The following TNFRSF21 variants were observed in gnomAD, a reference collection of about 807,000 sequenced individuals.
The protein encoded by TNFRSF21 is tumor necrosis factor receptor superfamily member 21.
In TNFRSF21, 19 loss-of-function variants were observed where a neutral mutation model predicts 45.6. The ratio of observed to expected loss-of-function variants is 0.42; its 90% CI spans 0.29 to 0.61. The LOEUF (loss-of-function observed/expected upper bound fraction) is 0.61, where lower values mean the gene tolerates loss of function less well. Ranked by LOEUF, TNFRSF21 falls within the 20% of genes least tolerant of loss-of-function variation. The probability of loss-of-function intolerance (pLI) is 0.23; values close to 1 mark genes in which losing one functional copy is unlikely to be tolerated. For missense variants in TNFRSF21, 737 were observed against 851.5 expected (o/e 0.87, Z 1.67); for synonymous variants, 314 against 335.5 (o/e 0.94, Z 0.70).
At chr6:47,242,990 C>T (rs1764769994) in intron 4 of TNFRSF21, among the ~76,000 whole-genome samples, 1 of 152,180 alleles carries the variant, frequency 6.6e-6, no homozygotes, top group East Asian at 1.9e-4. Context: ...CCATAAGACA[C>T]TGTGGAGGAT....
chr6:47,235,636 C>T (rs561806883), intron 4 of TNFRSF21, among the ~76,000 whole-genome samples: 1 of 152,216 alleles, frequency 6.6e-6, no homozygotes, highest in East Asian at 1.9e-4. Context: ...GAAACTGGGG[C>T]CTGGAGAAGT....
intron 3 of TNFRSF21, among the ~76,000 whole-genome samples, chr6:47,261,770 G>T (rs1582329962): frequency 6.6e-6 from 1 of 152,220 alleles, no homozygotes; most frequent in Admixed American, 6.5e-5. Context: ...CTTCTGCTGG[G>T]ATCAGCTGTC....
chr6:47,240,201 A>T (rs935712655), intron 4 of TNFRSF21, among the ~76,000 whole-genome samples: 3 of 152,216 alleles, frequency 2.0e-5, no homozygotes, highest in Non-Finnish European at 2.9e-5. Flanking sequence ...CCTTACAGTA[A>T]AGTCGCTGTT....
Position 47,309,677 on chromosome 6 carries a change from A to G in TNFRSF21, c.-166T>C. On this transcript the variant is annotated 5_prime_UTR_variant, in exon 1 of 6. Transcript: ENST00000296861. ...GGCCGGGCAGAGGAGGGAGGCGGCA[A>G]GGGAGGCTCTAGGGGCGCTCAGCAC... 2 of 1,091,308 alleles carry G rather than the reference A, an allele frequency of 1.8e-6. No individual in the cohort carries two copies. The highest frequency in any genetic ancestry group is 2.4e-6 in the Non-Finnish European group (2 of 830,710). The allele number at this position is 1,091,308 out of a possible 1,614,324, so 67.6% of individuals were successfully genotyped here. A position where few individuals can be genotyped will look rare whatever the true frequency, so the allele number is the denominator to read the frequency against.
intron 2 of TNFRSF21, among the ~76,000 whole-genome samples, chr6:47,285,382 T>C (rs1762630690): frequency 6.6e-6 from 1 of 152,214 alleles, no homozygotes; most frequent in South Asian, 2.1e-4. Flanking sequence ...TTTCCAGACA[T>C]GAGTGCTAGT....
intron 3 of TNFRSF21, among the ~76,000 whole-genome samples, chr6:47,263,031 C>T (rs916205785): frequency 3.9e-5 from 6 of 152,104 alleles, no homozygotes; most frequent in African/African-American, 9.7e-5. Flanking sequence ...AGCAGTAATC[C>T]AGCAAGGAGG....
At chr6:47,289,322 C>A (rs904116382) in intron 1 of TNFRSF21, among the ~76,000 whole-genome samples, 4 of 152,142 alleles carry the variant, frequency 2.6e-5, no homozygotes, top group African/African-American at 9.7e-5. Context: ...CTCTCCTACC[C>A]CAAAATTTAA....
chr6:47,293,716 C>G (rs987716786), intron 1 of TNFRSF21, among the ~76,000 whole-genome samples: 3 of 152,222 alleles, frequency 2.0e-5, no homozygotes, highest in Non-Finnish European at 2.9e-5. Flanking sequence ...AAATCTCATC[C>G]TTTCATCCTC....
Position 47,308,620 on chromosome 6 carries a change from G to A in TNFRSF21, c.96+796C>T, listed in dbSNP as rs573815823. ...TGAGGGAGACTGCACCACCCTGCAG[G>A]GTCACCTGCCTAGCCACAGGTAAAC... On this transcript the variant is annotated intron_variant, in intron 1 of 5. Coordinates refer to ENST00000296861, the MANE Select transcript of TNFRSF21 (RefSeq NM_014452.5). 1.1e-3 allele frequency among the ~76,000 whole-genome samples: 170 copies of A among 152,340 alleles called. 2 individuals are homozygous for A. The highest frequency in any genetic ancestry group is 1.0e-2 in the Admixed American group (153 of 15,308).
At chr6:47,307,324 C>G (rs1350965471) in intron 1 of TNFRSF21, among the ~76,000 whole-genome samples, 1 of 152,120 alleles carries the variant, frequency 6.6e-6, no homozygotes, top group African/African-American at 2.4e-5. Context: ...ATTGTCAGGT[C>G]TTTAGTTGCA....
chr6:47,283,559 A>G (rs1464523267), intron 3 of TNFRSF21, among the ~76,000 whole-genome samples: 1 of 152,194 alleles, frequency 6.6e-6, no homozygotes, highest in Non-Finnish European at 1.5e-5. Flanking sequence ...AACAGTCAGG[A>G]GTCTCGTCCC....
intron 1 of TNFRSF21, among the ~76,000 whole-genome samples, chr6:47,296,003 G>A (rs1324621516): frequency 1.3e-5 from 2 of 152,158 alleles, no homozygotes; most frequent in Non-Finnish European, 2.9e-5. Context: ...GCAGGAGCGT[G>A]TACACTCAGC....
chr6:47,270,498 C>T (rs952243553), intron 3 of TNFRSF21, among the ~76,000 whole-genome samples: 1 of 152,124 alleles, frequency 6.6e-6, no homozygotes, highest in Non-Finnish European at 1.5e-5. Context: ...ACACCAAAAC[C>T]CCATCTGTAG....
In TNFRSF21 at chr6:47,232,894, C is replaced by G. The variant is rs1360750638; in HGVS notation, c.1839G>C (p.Arg613=). The G allele has an allele frequency of 6.2e-7, 1 of 1,614,098 alleles. No homozygotes were observed. The highest frequency in any genetic ancestry group is 1.7e-5 in the Admixed American group (1 of 59,996). Residue 613 remains arginine (R), a synonymous_variant, in exon 6 of 6, where the codon CGG becomes CGC. Coordinates refer to ENST00000296861, the MANE Select transcript of TNFRSF21 (RefSeq NM_014452.5). The part of the protein sequence containing the change: ...MLHFLNPEEL[R]VIEEIPQAED... ...CAGCCTGGGGAATCTCTTCAATCAC[C>G]CGCAGCTCCTCAGGATTTAGAAAGT...
chr6:47,283,626 A>G (rs1002528063), intron 3 of TNFRSF21, among the ~76,000 whole-genome samples: 2 of 152,154 alleles, frequency 1.3e-5, no homozygotes, highest in Admixed American at 1.3e-4. Flanking sequence ...AAACCTCTCT[A>G]AACTCAAATT....
Position 47,309,804 on chromosome 6 carries a change from G to C in TNFRSF21, c.-293C>G. 2 of 346,140 alleles carry C rather than the reference G, an allele frequency of 5.8e-6. No individual in the cohort carries two copies. The highest frequency in any genetic ancestry group is 1.0e-5 in the Non-Finnish European group (2 of 191,968). 21.4% of individuals were successfully genotyped at this position (346,140 alleles called of 1,614,324 possible). ...ACAGCGGCTGAGGAGAACCAGGGAG[G>C]AGGACTGGGCGCGAGAGAGCAAAGG... On this transcript the variant is annotated 5_prime_UTR_variant, in exon 1 of 6. Transcript: ENST00000296861.
intron 3 of TNFRSF21, among the ~76,000 whole-genome samples, chr6:47,276,920 C>T (rs1158246655): frequency 2.6e-5 from 4 of 152,084 alleles, no homozygotes; most frequent in African/African-American, 9.7e-5. Flanking sequence ...GGAGGGAAAC[C>T]CATCTTCCTA....
At position 47,232,803 on chromosome 6, in the gene TNFRSF21, G is replaced by A; in HGVS notation, c.1930C>T (p.Leu644=). ...GGAAGATGGCTATAAACAGAGTCCA[G>A]GAGGGTCTGGCTGGCTTCCTGGCTC... The part of the protein sequence containing the change: ...VKSQEASQTL[L]DSVYSHLPDL... The change falls in exon 6 of 6, where the codon CTG becomes TTG. Residue 644 remains leucine, a synonymous_variant. Coordinates refer to ENST00000296861, the MANE Select transcript of TNFRSF21 (RefSeq NM_014452.5). The A allele has an allele frequency of 7.4e-6, 12 of 1,614,198 alleles. No homozygotes were observed. Among genetic ancestry groups the A allele is most frequent in the Non-Finnish European group, 1.0e-5 (12 of 1,180,044 alleles).
At chr6:47,299,789 G>C (rs1394291404) in intron 1 of TNFRSF21, among the ~76,000 whole-genome samples, 1 of 152,128 alleles carries the variant, frequency 6.6e-6, no homozygotes, top group Non-Finnish European at 1.5e-5. Flanking sequence ...CTCCAATATT[G>C]GCAGGCTTGT....
Sources: gnomAD v4.1 joint callset for allele counts (sites outside exome capture counted in the v4.1 genomes callset) on GRCh38, gnomAD v4.1.1 for gene constraint, MANE v1.5 for transcripts, NCBI Gene and HGNC (gene_info 2026-07-23, HGNC 2026-07-21) for gene names.